Variants in DLGAP2 observed in about 807,000 individuals in gnomAD.
DLGAP2 encodes the protein DLG associated protein 2, also known as disks large-associated protein 2.
A neutral mutation model predicts 100.3 loss-of-function variants in DLGAP2; 26 were observed. The observed-to-expected ratio is 0.26, with a 90% CI of 0.19 to 0.36. The LOEUF is 0.36. DLGAP2 is among the 10% of genes least tolerant of loss of function. The pLI, the probability that DLGAP2 is intolerant of heterozygous loss-of-function variation, is 1.00. For missense variants in DLGAP2, 1,858 were observed against 1,453.2 expected (o/e 1.28, Z -4.53); for synonymous variants, 886 against 630.1 (o/e 1.41, Z -6.08).
intron 7 of DLGAP2, among the ~76,000 whole-genome samples, chr8:1,628,670 A>G (rs1358929241): frequency 6.8e-6 from 1 of 146,338 alleles, no homozygotes; most frequent in East Asian, 2.1e-4. Flanking sequence ...AGCAGGAATT[A>G]AGAGCCTGAG....
chr8:1,473,590 C>G (rs765573238), intron 3 of DLGAP2, among the ~76,000 whole-genome samples: 1 of 152,152 alleles, frequency 6.6e-6, no homozygotes, highest in Admixed American at 6.5e-5. Context: ...CTCAAGCGAG[C>G]TTTGGGGTGA....
At chr8:1,189,293 G>A (rs150786366) in intron 2 of DLGAP2, among the ~76,000 whole-genome samples, 149 of 152,350 alleles carry the variant, frequency 9.8e-4, no homozygotes, top group African/African-American at 3.4e-3. Flanking sequence ...TCAGTGTCAA[G>A]GCCAACTGCA....
At chr8:1,203,911 C>T (rs566367809) in intron 2 of DLGAP2, among the ~76,000 whole-genome samples, 166 of 120,200 alleles carry the variant, frequency 1.4e-3, no homozygotes, top group African/African-American at 6.7e-3. Flanking sequence ...CTCAGCCTGA[C>T]CACCTGTGAG....
At chr8:1,199,050 C>G (rs1256670329) in intron 2 of DLGAP2, among the ~76,000 whole-genome samples, 4 of 152,234 alleles carry the variant, frequency 2.6e-5, no homozygotes, top group Non-Finnish European at 4.4e-5. Flanking sequence ...AGGTGAAGTT[C>G]CAGACTTCCA....
intron 1 of DLGAP2, among the ~76,000 whole-genome samples, chr8:856,615 GAACCAT>G (rs1563066016): frequency 6.6e-6 from 1 of 152,144 alleles, no homozygotes; most frequent in African/African-American, 2.4e-5. Flanking sequence ...TGAAAACACA[GAACCAT>G]TTACATTAGT....
chr8:1,112,455 T>C (rs1804988358), intron 2 of DLGAP2, among the ~76,000 whole-genome samples: 1 of 152,192 alleles, frequency 6.6e-6, no homozygotes, highest in African/African-American at 2.4e-5. Context: ...TTAGCCAGGA[T>C]GGTCTCGATC....
chr8:1,568,734 G>GT (rs1291177912), intron 6 of DLGAP2, among the ~76,000 whole-genome samples: 1 of 83,792 alleles, frequency 1.2e-5, no homozygotes, highest in East Asian at 4.1e-4. Context: ...ACACAATTCC[G>GT]CTCTGCCCGT....
At chr8:1,253,190 G>A (rs999840464) in intron 2 of DLGAP2, among the ~76,000 whole-genome samples, 29 of 152,326 alleles carry the variant, frequency 1.9e-4, no homozygotes, top group African/African-American at 6.7e-4. Context: ...CAGCAACGCT[G>A]AGCTTGGCTT....
intron 2 of DLGAP2, among the ~76,000 whole-genome samples, chr8:1,233,488 G>A (rs112277367): frequency 1.3e-5 from 2 of 152,184 alleles, no homozygotes; most frequent in Non-Finnish European, 2.9e-5. Context: ...ATCGCAGAGC[G>A]CAGGGAAGGT....
At chr8:1,196,354 C>G (rs79523085) in intron 2 of DLGAP2, among the ~76,000 whole-genome samples, 3 of 152,212 alleles carry the variant, frequency 2.0e-5, no homozygotes, top group South Asian at 2.1e-4. Context: ...GTGTACCTGT[C>G]TTTCCCCCAT....
intron 6 of DLGAP2, among the ~76,000 whole-genome samples, chr8:1,576,643 G>A (rs1380733068): frequency 6.6e-6 from 1 of 152,152 alleles, no homozygotes; most frequent in Non-Finnish European, 1.5e-5. Context: ...ATTAATTTTA[G>A]TATAAGGTGT....
chr8:853,555 A>G (rs1363675800), intron 1 of DLGAP2, among the ~76,000 whole-genome samples: 1 of 152,142 alleles, frequency 6.6e-6, no homozygotes, highest in African/African-American at 2.4e-5. Flanking sequence ...GCCCAGGGCC[A>G]GACTCACCCC....
At chr8:1,192,706 T>A (rs950406986) in intron 2 of DLGAP2, among the ~76,000 whole-genome samples, 1 of 151,136 alleles carries the variant, frequency 6.6e-6, no homozygotes, top group Non-Finnish European at 1.5e-5. Context: ...AGTTTTAGGG[T>A]ACGTGTGCAC....
chr8:1,104,592 G>A (rs528624332), intron 2 of DLGAP2, among the ~76,000 whole-genome samples: 2 of 152,284 alleles, frequency 1.3e-5, no homozygotes, highest in East Asian at 1.9e-4. Flanking sequence ...TGGCCGAGGC[G>A]TTTGCTGACT....
chr8:830,988 C>T (rs550445183), intron 1 of DLGAP2, among the ~76,000 whole-genome samples: 2 of 151,076 alleles, frequency 1.3e-5, no homozygotes, highest in East Asian at 3.9e-4. Context: ...CTTTGCCTCC[C>T]GAGTTCAAGC....
rs1452734249 is a variant in DLGAP2, at chr8:1,048,232, G to A, written c.73+140266G>A. On this transcript the variant is annotated intron_variant, in intron 2 of 14. Transcript: ENST00000637795. ...TAGATCGCTCAGAACTGTGCCCGGC[G>A]CGTGTTCTCATTCCAGCCTCAGTCC... Among the ~76,000 whole-genome samples the A allele has an allele frequency of 3.9e-5, 6 of 152,236 alleles. No homozygotes were observed. In the South Asian group the frequency reaches 6.2e-4, roughly 16 times the overall value.
At chr8:957,192 A>T (rs2129009094) in intron 2 of DLGAP2, among the ~76,000 whole-genome samples, 1 of 152,338 alleles carries the variant, frequency 6.6e-6, no homozygotes, top group East Asian at 1.9e-4. Flanking sequence ...CATAGGATGG[A>T]TAACGGCAAG....
chr8:1,591,591 T>C (rs1312368457), intron 6 of DLGAP2, among the ~76,000 whole-genome samples: 1 of 152,114 alleles, frequency 6.6e-6, no homozygotes, highest in Non-Finnish European at 1.5e-5. Context: ...GTACGTTTCT[T>C]TGGGACTCAC....
intron 1 of DLGAP2, among the ~76,000 whole-genome samples, chr8:860,077 T>G (rs1316070388): frequency 6.6e-6 from 1 of 152,220 alleles, no homozygotes; most frequent in Non-Finnish European, 1.5e-5. Context: ...GATTGTTGTT[T>G]CCAAATTAAA....
Sources: allele counts gnomAD v4.1 joint callset (sites outside exome capture counted in the v4.1 genomes callset), GRCh38; gene constraint gnomAD v4.1.1; transcripts MANE v1.5; gene names NCBI Gene and HGNC (gene_info 2026-07-23, HGNC 2026-07-21).